The following VAT1L variants were observed in gnomAD, a reference collection of about 807,000 sequenced individuals.
The protein encoded by VAT1L is putative NADPH-dependent quinone oxidoreductase VAT1L.
Under a neutral mutation model 44.1 loss-of-function variants are expected in VAT1L, and 34 were observed. The observed-to-expected ratio is 0.77, with a 90% CI of 0.59 to 1.03. The LOEUF (loss-of-function observed/expected upper bound fraction) is 1.03. Among genes scored for constraint, VAT1L ranks in the 50% least tolerant of loss-of-function variants. The pLI is 0.00. For synonymous variants in VAT1L, 253 were observed against 202.2 expected, an observed-to-expected ratio of 1.25 and a Z score of -2.13; for missense variants, 615 against 538.8, an observed-to-expected ratio of 1.14 and a Z score of -1.40.
chr16:77,791,765 T>C (rs2015839429), intron 1 of VAT1L, among the ~76,000 whole-genome samples: 1 of 152,180 alleles, frequency 6.6e-6, no homozygotes, highest in Non-Finnish European at 1.5e-5. Context: ...TCCAAAGTAG[T>C]ATGGCTTTCT....
intron 5 of VAT1L, among the ~76,000 whole-genome samples, chr16:77,878,761 C>G (rs974240823): frequency 1.1e-4 from 17 of 152,170 alleles, no homozygotes; most frequent in African/African-American, 3.9e-4. Context: ...CAGTCCAGGT[C>G]AGAGCCCCAA....
chr16:77,859,151 C>A (rs1335748297), intron 3 of VAT1L, among the ~76,000 whole-genome samples: 1 of 145,552 alleles, frequency 6.9e-6, no homozygotes, highest in African/African-American at 2.6e-5. Context: ...AAAAAAAAAA[C>A]TATTTGGGTG....
At chr16:77,807,851 A>G (rs2016191789) in intron 1 of VAT1L, among the ~76,000 whole-genome samples, 4 of 152,132 alleles carry the variant, frequency 2.6e-5, no homozygotes, top group Admixed American at 2.6e-4. Flanking sequence ...CTTGAGGAGG[A>G]GCCAGAAAGC....
rs1555518297 is a variant in VAT1L, at chr16:77,902,732, T to TGGGGG, written c.1077+17934_1077+17938dup. ...GCACTTTGGGAGGCCGATGGGGGGG[T>TGGGGG]GGGGGGGGTGTGGATCACCTGAGGT... is the stretch of plus-strand genomic sequence containing the variant. On this transcript the variant is annotated intron_variant, in intron 7 of 8. Transcript: ENST00000302536. 7.5e-5 allele frequency among the ~76,000 whole-genome samples: 8 copies of TGGGGG among 106,944 alleles called. No homozygotes were observed. In the South Asian group the frequency reaches 1.0e-3, roughly 14 times the overall value. The allele number at this position is 106,944 out of a possible 152,430, so 70.2% of individuals were successfully genotyped here.
At chr16:77,866,430 A>C (rs982302018) in intron 4 of VAT1L, among the ~76,000 whole-genome samples, 1 of 152,106 alleles carries the variant, frequency 6.6e-6, no homozygotes, top group African/African-American at 2.4e-5. Flanking sequence ...AAAAAGCAGA[A>C]TGCCAGATTC....
intron 4 of VAT1L, among the ~76,000 whole-genome samples, chr16:77,869,815 G>A (rs2017012116): frequency 6.6e-6 from 1 of 152,158 alleles, no homozygotes; most frequent in Non-Finnish European, 1.5e-5. Flanking sequence ...CCCGATCGAG[G>A]GGGAGCAGCT....
intron 7 of VAT1L, among the ~76,000 whole-genome samples, chr16:77,913,380 T>C (rs962475772): frequency 2.6e-5 from 4 of 152,098 alleles, no homozygotes; most frequent in Non-Finnish European, 5.9e-5. Flanking sequence ...CTATTCTCAT[T>C]TAAATTTAGT....
intron 2 of VAT1L, among the ~76,000 whole-genome samples, chr16:77,824,610 G>C (rs1001917525): frequency 6.6e-6 from 1 of 151,548 alleles, no homozygotes; most frequent in Non-Finnish European, 1.5e-5. Context: ...AAAAAAATTA[G>C]CCGGGCATGG....
intron 7 of VAT1L, among the ~76,000 whole-genome samples, chr16:77,896,105 C>T (rs1304389125): frequency 3.3e-5 from 5 of 152,186 alleles, no homozygotes; most frequent in South Asian, 2.1e-4. Flanking sequence ...GAGGAATTCC[C>T]GCCAACCGCC....
Position 77,876,567 on chromosome 16 carries a change from T to C in VAT1L, c.826+94T>C, listed in dbSNP as rs192828084. On this transcript the variant is annotated intron_variant, in intron 5 of 8. Coordinates refer to ENST00000302536, the MANE Select transcript of VAT1L (RefSeq NM_020927.3). The stretch of plus-strand genomic sequence containing the variant: ...CTGAAAAGTGAATTGTGCTGATATG[T>C]TGGGGTAGTGGGATGGGGGTGTTTC... The C allele has an allele frequency of 4.5e-6, 5 of 1,107,226 alleles. No individual in the cohort carries two copies. In the East Asian group the frequency reaches 7.1e-5, roughly 16 times the overall value. The allele number at this position is 1,107,226 out of a possible 1,614,324, so 68.6% of individuals were successfully genotyped here.
chr16:77,865,158 A>G (rs1329996222), intron 4 of VAT1L, among the ~76,000 whole-genome samples: 2 of 151,830 alleles, frequency 1.3e-5, no homozygotes, highest in Non-Finnish European at 2.9e-5. Flanking sequence ...TATTTTTAGT[A>G]GAGACGGGGT....
At chr16:77,902,673 A>T (rs903661074) in intron 7 of VAT1L, among the ~76,000 whole-genome samples, 5 of 135,222 alleles carry the variant, frequency 3.7e-5, no homozygotes, top group Admixed American at 8.3e-5. Context: ...TGGAATAAAA[A>T]GGCCGAGCAT....
At chr16:77,909,754 G>T (rs963297359) in intron 7 of VAT1L, among the ~76,000 whole-genome samples, 4 of 152,046 alleles carry the variant, frequency 2.6e-5, no homozygotes, top group Admixed American at 2.6e-4. Flanking sequence ...AGGGGGCAAC[G>T]GTTCAGAGAG....
At chr16:77,974,354 A>G (rs1443872333) in intron 8 of VAT1L, among the ~76,000 whole-genome samples, 1 of 152,200 alleles carries the variant, frequency 6.6e-6, no homozygotes, top group Admixed American at 6.5e-5. Flanking sequence ...TATGGCTTTC[A>G]AGAAAATAGT....
chr16:77,975,593 C>G (rs1241128590), intron 8 of VAT1L, among the ~76,000 whole-genome samples: 1 of 152,206 alleles, frequency 6.6e-6, no homozygotes, highest in Non-Finnish European at 1.5e-5. Context: ...CTAGAATAGT[C>G]TGGGCTCTAA....
At chr16:77,946,276 G>GTTTTTT (rs1597114758) in intron 7 of VAT1L, among the ~76,000 whole-genome samples, 2 of 33,862 alleles carry the variant, frequency 5.9e-5, no homozygotes, top group East Asian at 1.2e-3. Flanking sequence ...TAGGTTACTT[G>GTTTTTT]TTCTTTTTTT....
At chr16:77,880,591 A>ATTTTTTTTTT (rs55995217) in intron 6 of VAT1L, among the ~76,000 whole-genome samples, 7 of 54,270 alleles carry the variant, frequency 1.3e-4, no homozygotes, top group Non-Finnish European at 1.5e-4. Flanking sequence ...GTTCCAGGGT[A>ATTTTTTTTTT]TTTTTTTTTT....
chr16:77,938,577 C>T (rs79017683), intron 7 of VAT1L, among the ~76,000 whole-genome samples: 11,493 of 152,036 alleles, frequency 0.076, 505 homozygotes, highest in South Asian at 0.12. Flanking sequence ...GCACTTCCCC[C>T]CTTATTCTCT....
intron 7 of VAT1L, among the ~76,000 whole-genome samples, chr16:77,936,904 G>A (rs1347118482): frequency 8.6e-6 from 1 of 116,798 alleles, no homozygotes; most frequent in African/African-American, 3.1e-5. Context: ...GTTTGTTTTT[G>A]AGACGGAGTC....
Sources: allele counts gnomAD v4.1 joint callset (sites outside exome capture counted in the v4.1 genomes callset), GRCh38; gene constraint gnomAD v4.1.1; transcripts MANE v1.5; gene names NCBI Gene and HGNC (gene_info 2026-07-23, HGNC 2026-07-21).